VSTM1: variants seen among roughly 807,000 people sequenced by gnomAD.
VSTM1 encodes V-set and transmembrane domain-containing protein 1.
VSTM1 carries 27 observed loss-of-function variants against 33.1 expected under a neutral mutation model. The ratio of observed to expected loss-of-function variants is 0.82; its 90% CI spans 0.60 to 1.12. The LOEUF (loss-of-function observed/expected upper bound fraction) is 1.12, where lower values mean the gene tolerates loss of function less well. Ranked by LOEUF, VSTM1 falls within the 50% of genes most tolerant of loss-of-function variation. VSTM1 has a pLI of 0.00. For missense variants in VSTM1, 304 were observed against 288.9 expected, an observed-to-expected ratio of 1.05 and a Z score of -0.38; for synonymous variants, 115 against 110.3, an observed-to-expected ratio of 1.04 and a Z score of -0.27.
In VSTM1 at chr19:54,058,392, T is replaced by C; in HGVS notation, c.269A>G (p.Asp90Gly). 1.9e-6 allele frequency: 3 copies of C among 1,614,158 alleles called. No individual in the cohort carries two copies. Among genetic ancestry groups the C allele is most frequent in the Non-Finnish European group, 2.5e-6 (3 of 1,180,024 alleles). ...GTAGGCACAAAAGTACCTCCCAGCA[T>C]CCTTAGGCTTCAGGTCCGTGAAGGG... is the stretch of plus-strand genomic sequence containing the variant. ...EFPFTDLKPK[D>G]AGRYFCAYKT... Residue 90 changes from aspartate to glycine, a missense_variant, in exon 3 of 9, where the codon GAT becomes GGT. Physicochemically the swap from Asp to Gly is moderately conservative, Grantham distance 94 (BLOSUM62 -1). Coordinates refer to ENST00000338372, the MANE Select transcript of VSTM1 (RefSeq NM_198481.4).
At position 54,052,354 on chromosome 19, in the gene VSTM1, C is replaced by T. The variant is rs919540578; in HGVS notation, c.356-906G>A. Among the ~76,000 whole-genome samples the T allele has an allele frequency of 3.4e-4, 40 of 119,106 alleles. 4 individuals are homozygous for T. Among genetic ancestry groups the T allele is most frequent in the Non-Finnish European group, 5.7e-4 (31 of 54,698 alleles). The allele number at this position is 119,106 out of a possible 152,430, so 78.1% of individuals were successfully genotyped here. On this transcript the variant is annotated intron_variant, in intron 3 of 8. Transcript: ENST00000338372. ...CGGAGCTTGCAGTGAGCCGAGATCG[C>T]GCCACTGCACTCCAGCCTGAGGGAC...
At chr19:54,046,749 G>A (rs2070611227) in intron 4 of VSTM1, among the ~76,000 whole-genome samples, 2 of 152,232 alleles carry the variant, frequency 1.3e-5, no homozygotes, top group Admixed American at 1.3e-4. Flanking sequence ...ACTGACGGCT[G>A]TGGGGACCCC....
chr19:54,048,372 TC>T, intron 4 of VSTM1: 1 of 400,814 alleles, frequency 2.5e-6, no homozygotes, highest in Non-Finnish European at 5.1e-6. Context: ...TGCCTCATCT[TC>T]CCAAAGTCCT....
intron 3 of VSTM1, among the ~76,000 whole-genome samples, chr19:54,058,065 C>T (rs1382375887): frequency 2.0e-5 from 3 of 151,694 alleles, no homozygotes; most frequent in Non-Finnish European, 4.4e-5. Context: ...ATGGCGAAAC[C>T]CCATCTCTAC....
rs199752981 is a variant in VSTM1, at chr19:54,058,486, C to T, written c.175G>A (p.Val59Met). ...CCAGAGTCGTTCACCTTGCGCAGCACAAATGTCACATTCTGGGAATGAGCC... is the reference window on the plus strand; with the variant it reads ...CCAGAGTCGTTCACCTTGCGCAGCATAAATGTCACATTCTGGGAATGAGCC... The part of the protein sequence containing the change: ...CQAHSQNVTF[V>M]LRKVNDSGYK... Residue 59 changes from valine (V) to methionine (M), a missense_variant, in exon 3 of 9, where the codon GTG becomes ATG. By Grantham distance (21) the Val-to-Met change is conservative. Coordinates refer to ENST00000338372, the MANE Select transcript of VSTM1 (RefSeq NM_198481.4). 1.9e-6 allele frequency: 3 copies of T among 1,614,126 alleles called. No individual in the cohort carries two copies. The highest frequency in any genetic ancestry group is 2.5e-6 in the Non-Finnish European group (3 of 1,180,034).
intron 1 of VSTM1, among the ~76,000 whole-genome samples, chr19:54,060,992 C>G (rs1371091705): frequency 6.7e-6 from 1 of 150,076 alleles, no homozygotes. Flanking sequence ...GCACCCAGCC[C>G]AATTCCCATA....
At chr19:54,043,377 A>G (rs1472012633) in intron 4 of VSTM1, among the ~76,000 whole-genome samples, 2 of 150,864 alleles carry the variant, frequency 1.3e-5, no homozygotes, top group Non-Finnish European at 2.9e-5. Flanking sequence ...ATTAAAATCA[A>G]TCTCTCTCTC....
chr19:54,051,808 TG>T (rs1349306789), intron 3 of VSTM1, among the ~76,000 whole-genome samples: 9 of 152,130 alleles, frequency 5.9e-5, no homozygotes, highest in Non-Finnish European at 1.0e-4. Flanking sequence ...TTACCCAAGC[TG>T]GAGTGCAGTG....
chr19:54,042,789 T>A, intron 4 of VSTM1, among the ~76,000 whole-genome samples: 1 of 133,470 alleles, frequency 7.5e-6, no homozygotes, highest in African/African-American at 2.7e-5. Context: ...TATATATGTG[T>A]GTGTATATAT....
intron 1 of VSTM1, among the ~76,000 whole-genome samples, chr19:54,061,906 A>G (rs2071411685): frequency 6.6e-6 from 1 of 152,280 alleles, no homozygotes; most frequent in Middle Eastern, 3.4e-3. Context: ...CTGTAATCTC[A>G]ACAGTTTGGG....
chr19:54,063,372 A>AAG (rs371268939), intron 1 of VSTM1, among the ~76,000 whole-genome samples: 5 of 151,962 alleles, frequency 3.3e-5, no homozygotes, highest in South Asian at 4.1e-4. Context: ...ATAAATAAAT[A>AAG]AGAGAGAGAG....
At chr19:54,051,947 G>C (rs1243852775) in intron 3 of VSTM1, among the ~76,000 whole-genome samples, 1 of 151,972 alleles carries the variant, frequency 6.6e-6, no homozygotes, top group African/African-American at 2.4e-5. Flanking sequence ...TTTTAGTAGA[G>C]ACAGGGTTTC....
At chr19:54,046,921 CGTGGT>C (rs1568458931) in intron 4 of VSTM1, among the ~76,000 whole-genome samples, 1 of 152,130 alleles carries the variant, frequency 6.6e-6, no homozygotes, top group African/African-American at 2.4e-5. Context: ...TCAAGCCAGG[CGTGGT>C]GGCTCACACC....
chr19:54,048,914 T>C (rs1400160168), intron 4 of VSTM1, among the ~76,000 whole-genome samples: 1 of 151,998 alleles, frequency 6.6e-6, no homozygotes, highest in African/African-American at 2.4e-5. Flanking sequence ...TGAAACCCCC[T>C]CTCTACTAAA....
intron 1 of VSTM1, among the ~76,000 whole-genome samples, chr19:54,060,640 T>C (rs1398683961): frequency 1.3e-5 from 2 of 152,168 alleles, no homozygotes; most frequent in Non-Finnish European, 2.9e-5. Context: ...TTTAGATTCA[T>C]GTCATCTCAT....
At chr19:54,055,567 GT>G (rs2071048017) in intron 3 of VSTM1, 1 of 143,196 alleles carries the variant, frequency 7.0e-6, no homozygotes, top group African/African-American at 2.6e-5. Context: ...AGTTGCTCAG[GT>G]AATACACACA....
chr19:54,050,935 G>T lies in VSTM1; in HGVS notation c.394+475C>A, dbSNP rs368489934. On this transcript the variant is annotated intron_variant, in intron 4 of 8. Coordinates refer to ENST00000338372, the MANE Select transcript of VSTM1 (RefSeq NM_198481.4). Reference sequence around the variant, plus strand: ...TGAACCCAGAACCCAGGAAGTGGAGGTTGCAGTGAGCTGAGATTGTGCCAC... The same window carrying T: ...TGAACCCAGAACCCAGGAAGTGGAGTTTGCAGTGAGCTGAGATTGTGCCAC... Among the ~76,000 whole-genome samples, 67 of 150,124 alleles carry T rather than the reference G, an allele frequency of 4.5e-4. 1 individual carries two copies. The South Asian group carries it at 0.014, about 31-fold the overall frequency.
At chr19:54,046,132 A>G (rs1320998527) in intron 4 of VSTM1, among the ~76,000 whole-genome samples, 1 of 152,064 alleles carries the variant, frequency 6.6e-6, no homozygotes, top group Non-Finnish European at 1.5e-5. Context: ...TTATCTACCT[A>G]TCATCTATGT....
At chr19:54,045,970 C>CTATCTG (rs1289657343) in intron 4 of VSTM1, among the ~76,000 whole-genome samples, 1 of 152,070 alleles carries the variant, frequency 6.6e-6, no homozygotes, top group East Asian at 1.9e-4. Flanking sequence ...CTGTATCTAT[C>CTATCTG]TACCTACTTA....
Sources: gnomAD v4.1 joint callset for allele counts (sites outside exome capture counted in the v4.1 genomes callset) on GRCh38, gnomAD v4.1.1 for gene constraint, MANE v1.5 for transcripts, NCBI Gene and HGNC (gene_info 2026-07-23, HGNC 2026-07-21) for gene names.